Variants in GARIN2 observed in about 807,000 individuals in gnomAD.
GARIN2 encodes the protein golgi associated RAB2 interactor family member 2.
chr14:67,201,186 C>T, the GARIN2 span, among the ~76,000 whole-genome samples: 3 of 152,082 alleles, frequency 2.0e-5, no homozygotes, highest in South Asian at 4.1e-4. Context: ...CCTAGCTACT[C>T]GGAAGGCTGA....
At chr14:67,225,003 CTCTT>C in the GARIN2 span, 13 of 810,398 alleles carry the variant, frequency 1.6e-5, no homozygotes, top group Non-Finnish European at 2.3e-5. Context: ...TCAAAATAAG[CTCTT>C]TCTCCTTCTG....
the GARIN2 span, among the ~76,000 whole-genome samples, chr14:67,220,243 C>G: frequency 6.6e-6 from 1 of 151,980 alleles, no homozygotes; most frequent in African/African-American, 2.4e-5. Context: ...CAAGACCACC[C>G]TGGGCAATAT....
At chr14:67,192,541 A>G in the GARIN2 span, among the ~76,000 whole-genome samples, 1 of 151,634 alleles carries the variant, frequency 6.6e-6, no homozygotes, top group Non-Finnish European at 1.5e-5. Flanking sequence ...GAGAAGGCAA[A>G]GCAGAGTGCA....
At chr14:67,193,892 C>G in the GARIN2 span, among the ~76,000 whole-genome samples, 11 of 137,014 alleles carry the variant, frequency 8.0e-5, no homozygotes, top group African/African-American at 3.0e-4. Context: ...CTGCAGTGAG[C>G]AATGATCACA....
the GARIN2 span, chr14:67,204,875 A>T: frequency 2.5e-6 from 4 of 1,613,814 alleles, no homozygotes; most frequent in African/African-American, 5.3e-5. Flanking sequence ...GACAGCATAG[A>T]TTTCCCAGAA....
the GARIN2 span, among the ~76,000 whole-genome samples, chr14:67,197,849 T>C: frequency 6.6e-6 from 1 of 152,124 alleles, no homozygotes; most frequent in Non-Finnish European, 1.5e-5. Flanking sequence ...CTGGTCATTT[T>C]TTACTATATG....
chr14:67,222,192 A>C, the GARIN2 span, among the ~76,000 whole-genome samples: 1 of 152,208 alleles, frequency 6.6e-6, no homozygotes, highest in African/African-American at 2.4e-5. Flanking sequence ...GGAATGGTCC[A>C]CAACTAAATT....
At chr14:67,198,945 T>G in the GARIN2 span, 1 of 701,636 alleles carries the variant, frequency 1.4e-6, no homozygotes, top group Admixed American at 2.0e-5. Flanking sequence ...CACTGAGCTA[T>G]TACCTCTAAC....
At chr14:67,223,883 G>C in the GARIN2 span, 3 of 985,660 alleles carry the variant, frequency 3.0e-6, no homozygotes, top group South Asian at 1.4e-4. Flanking sequence ...GAAAAGCAAA[G>C]ACTGGCTGAA....
the GARIN2 span, among the ~76,000 whole-genome samples, chr14:67,209,059 T>C: frequency 7.5e-4 from 115 of 152,350 alleles, no homozygotes; most frequent in Non-Finnish European, 1.2e-3. Context: ...AATGGTATCA[T>C]TGCCTCATTT....
the GARIN2 span, chr14:67,204,972 A>C: frequency 6.3e-7 from 1 of 1,586,768 alleles, no homozygotes; most frequent in South Asian, 1.1e-5. Context: ...TTGTCACAGA[A>C]GTCATAGAAG....
the GARIN2 span, among the ~76,000 whole-genome samples, chr14:67,192,799 TATATAG>T: frequency 2.7e-5 from 4 of 147,868 alleles, no homozygotes; most frequent in Non-Finnish European, 5.9e-5. Flanking sequence ...TGTGTGTGTA[TATATAG>T]ATATAGATAT....
the GARIN2 span, chr14:67,225,348 C>G: frequency 3.5e-6 from 3 of 851,044 alleles, no homozygotes; most frequent in South Asian, 2.1e-5. Flanking sequence ...TAAGTGGGAT[C>G]TTTTAACATT....
chr14:67,220,816 T>A, the GARIN2 span, among the ~76,000 whole-genome samples: 1 of 152,246 alleles, frequency 6.6e-6, no homozygotes, highest in Non-Finnish European at 1.5e-5. Context: ...ATTTGCAAAC[T>A]GTATAGAAAA....
At chr14:67,192,921 T>C in the GARIN2 span, among the ~76,000 whole-genome samples, 1 of 146,804 alleles carries the variant, frequency 6.8e-6, no homozygotes, top group Non-Finnish European at 1.5e-5. Flanking sequence ...TAGATATATA[T>C]GTATATATAG....
the GARIN2 span, among the ~76,000 whole-genome samples, chr14:67,206,269 C>T: frequency 1.3e-5 from 2 of 152,066 alleles, no homozygotes; most frequent in Non-Finnish European, 2.9e-5. Context: ...GAGACCGAGG[C>T]GGGCAGATCA....
chr14:67,223,672 T>A, the GARIN2 span: 1 of 924,644 alleles, frequency 1.1e-6, no homozygotes, highest in Non-Finnish European at 1.3e-6. Context: ...ATTAATTATT[T>A]TCCCTGTTTG....
chr14:67,208,199 A>G, the GARIN2 span: 5 of 1,612,384 alleles, frequency 3.1e-6, no homozygotes, highest in South Asian at 1.1e-5. Flanking sequence ...TTTATTTTTA[A>G]AGGAAAAATT....
the GARIN2 span, chr14:67,199,193 G>A: frequency 5.6e-6 from 9 of 1,606,476 alleles, no homozygotes; most frequent in South Asian, 9.9e-5. Flanking sequence ...ACACCCACAT[G>A]CCAAAGGATA....
Sources: gnomAD v4.1 joint callset for allele counts (sites outside exome capture counted in the v4.1 genomes callset) on GRCh38, gnomAD v4.1.1 for gene constraint, MANE v1.5 for transcripts, NCBI Gene and HGNC (gene_info 2026-07-23, HGNC 2026-07-21) for gene names.